Variants in SGCD observed in about 807,000 individuals in gnomAD.
SGCD encodes the protein delta-sarcoglycan.
In SGCD, 18 loss-of-function variants were observed where a neutral mutation model predicts 36.6. The observed-to-expected ratio is 0.49, with a 90% confidence interval of 0.34 to 0.73. SGCD has a LOEUF of 0.73. Among genes scored for constraint, SGCD ranks in the 30% least tolerant of loss-of-function variants. The probability of loss-of-function intolerance (pLI) is 0.01; values close to 1 mark genes in which losing one functional copy is unlikely to be tolerated. For missense variants in SGCD, 387 were observed against 346.7 expected (o/e 1.12, Z -0.92); for synonymous variants, 133 against 130.6 (o/e 1.02, Z -0.12).
chr5:156,706,536 A>G (rs1754750026), intron 7 of SGCD, among the ~76,000 whole-genome samples: 2 of 152,062 alleles, frequency 1.3e-5, no homozygotes, highest in African/African-American at 2.4e-5. Context: ...TTCCTGTGTC[A>G]TACTCAGAGG....
At chr5:156,717,953 G>A (rs190738323) in intron 7 of SGCD, among the ~76,000 whole-genome samples, 1 of 152,140 alleles carries the variant, frequency 6.6e-6, no homozygotes, top group East Asian at 1.9e-4. Context: ...GGATCTGTAG[G>A]CATAAGGTTC....
At chr5:156,204,473 T>TACACACACAC (rs58745098) in intron 3 of SGCD, among the ~76,000 whole-genome samples, 2 of 147,404 alleles carry the variant, frequency 1.4e-5, no homozygotes, top group African/African-American at 5.0e-5. Context: ...AACACACTCA[T>TACACACACAC]ACACACACAC....
chr5:156,371,145 A>T (rs1265128598), intron 3 of SGCD, among the ~76,000 whole-genome samples: 4 of 152,168 alleles, frequency 2.6e-5, no homozygotes, highest in Admixed American at 2.6e-4. Context: ...AAATATAGAG[A>T]ACAATACCTA....
At chr5:156,431,955 A>T (rs1457574816) in intron 3 of SGCD, among the ~76,000 whole-genome samples, 4 of 152,110 alleles carry the variant, frequency 2.6e-5, no homozygotes, top group Non-Finnish European at 4.4e-5. Context: ...AACTCAGGTG[A>T]TCTGCTGACC....
At chr5:155,777,701 A>G in the SGCD span, among the ~76,000 whole-genome samples, 1 of 152,110 alleles carries the variant, frequency 6.6e-6, no homozygotes, top group Admixed American at 6.6e-5. Context: ...TAGCAGTGAA[A>G]GGAGCCACTG....
At chr5:156,486,347 G>A (rs1427065265) in intron 3 of SGCD, among the ~76,000 whole-genome samples, 1 of 151,912 alleles carries the variant, frequency 6.6e-6, no homozygotes, top group African/African-American at 2.4e-5. Context: ...GACTGAAGTG[G>A]GCACTTCCAA....
intron 7 of SGCD, among the ~76,000 whole-genome samples, chr5:156,743,108 CTTTTTTT>C: frequency 9.1e-6 from 1 of 110,328 alleles, no homozygotes; most frequent in Non-Finnish European, 1.8e-5. Flanking sequence ...CTTCCTACAT[CTTTTTTT>C]TTTTTTTTTT....
chr5:155,827,672 CTTTTTTTT>C, the SGCD span, among the ~76,000 whole-genome samples: 12 of 64,450 alleles, frequency 1.9e-4, no homozygotes, highest in East Asian at 1.1e-3. Context: ...CTAAATAATT[CTTTTTTTT>C]TTTTTTTTTT....
intron 4 of SGCD, among the ~76,000 whole-genome samples, chr5:156,533,070 G>T (rs560686835): frequency 3.9e-5 from 6 of 152,194 alleles, no homozygotes; most frequent in African/African-American, 1.2e-4. Context: ...GATCTGTGCT[G>T]CTTACCCAGC....
intron 7 of SGCD, among the ~76,000 whole-genome samples, chr5:156,679,670 A>T (rs1753649213): frequency 6.6e-6 from 1 of 152,226 alleles, no homozygotes; most frequent in African/African-American, 2.4e-5. Flanking sequence ...TTAAAAAAGC[A>T]AAACAAGCTA....
chr5:155,999,645 G>A (rs10059558), intron 1 of SGCD, among the ~76,000 whole-genome samples: 2,942 of 152,230 alleles, frequency 0.019, 77 homozygotes, highest in African/African-American at 0.067. Context: ...TAACTTCAAA[G>A]CAGTGGCAAC....
At chr5:156,426,841 T>G (rs1773693708) in intron 3 of SGCD, among the ~76,000 whole-genome samples, 1 of 152,142 alleles carries the variant, frequency 6.6e-6, no homozygotes, top group African/African-American at 2.4e-5. Flanking sequence ...TTGTTGAAAA[T>G]CAGTTGACTG....
At chr5:155,791,392 G>A in the SGCD span, among the ~76,000 whole-genome samples, 1 of 152,072 alleles carries the variant, frequency 6.6e-6, no homozygotes, top group Non-Finnish European at 1.5e-5. Context: ...ATTCAACATA[G>A]TACTGGAAGT....
intron 3 of SGCD, among the ~76,000 whole-genome samples, chr5:156,479,277 G>A (rs1442259607): frequency 6.6e-6 from 1 of 151,810 alleles, no homozygotes; most frequent in Non-Finnish European, 1.5e-5. Flanking sequence ...TGTACTTTTA[G>A]TAGAGACGGG....
intron 3 of SGCD, among the ~76,000 whole-genome samples, chr5:156,415,809 A>T (rs878937346): frequency 2.0e-5 from 3 of 152,182 alleles, no homozygotes; most frequent in Admixed American, 2.0e-4. Flanking sequence ...GTGGATTTCA[A>T]ATAGGGGTTA....
intron 7 of SGCD, among the ~76,000 whole-genome samples, chr5:156,673,712 G>C (rs905003350): frequency 1.3e-5 from 2 of 152,066 alleles, no homozygotes; most frequent in Admixed American, 1.3e-4. Context: ...ATAAATTCAG[G>C]GTCTTAAAAA....
intron 3 of SGCD, among the ~76,000 whole-genome samples, chr5:156,392,361 A>T (rs1442954551): frequency 6.6e-6 from 1 of 152,190 alleles, no homozygotes; most frequent in East Asian, 1.9e-4. Context: ...TGAAATGGGG[A>T]AAGTTCCCTT....
chr5:156,756,506 C>T (rs1312077308), intron 7 of SGCD, among the ~76,000 whole-genome samples: 1 of 152,162 alleles, frequency 6.6e-6, no homozygotes. Context: ...TGCCACTGCA[C>T]TCCAGCCTGA....
At chr5:155,831,962 C>T in the SGCD span, among the ~76,000 whole-genome samples, 1 of 152,180 alleles carries the variant, frequency 6.6e-6, no homozygotes, top group East Asian at 1.9e-4. Flanking sequence ...GAAGTGTCCT[C>T]TTTGGAATCA....
Sources: gnomAD v4.1 joint callset for allele counts (sites outside exome capture counted in the v4.1 genomes callset) on GRCh38, gnomAD v4.1.1 for gene constraint, MANE v1.5 for transcripts, NCBI Gene and HGNC (gene_info 2026-07-23, HGNC 2026-07-21) for gene names.